Variants in FBN1 observed in about 807,000 individuals in gnomAD.
FBN1 encodes fibrillin 1, also known as fibrillin-1.
Under a neutral mutation model 365.1 loss-of-function variants are expected in FBN1, and 29 were observed. The ratio of observed to expected loss-of-function variants is 0.08; its 90% CI spans 0.06 to 0.11. The LOEUF (loss-of-function observed/expected upper bound fraction) is 0.11, where lower values mean the gene tolerates loss of function less well. Among genes scored for constraint, FBN1 ranks in the 10% least tolerant of loss-of-function variants. The probability of loss-of-function intolerance (pLI) is 1.00; values close to 1 mark genes in which losing one functional copy is unlikely to be tolerated. For synonymous variants in FBN1, 1,210 were observed against 1,270.5 expected (o/e 0.95, Z 1.01); for missense variants, 2,476 against 3,703.2 (o/e 0.67, Z 8.60).
At chr15:48,606,653 G>A (rs1241235500) in intron 4 of FBN1, among the ~76,000 whole-genome samples, 1 of 152,198 alleles carries the variant, frequency 6.6e-6, no homozygotes, top group East Asian at 1.9e-4. Context: ...GAAATGTTCT[G>A]CATCTTAACT....
chr15:48,523,360 C>T (rs982360424), intron 9 of FBN1, among the ~76,000 whole-genome samples: 1 of 152,150 alleles, frequency 6.6e-6, no homozygotes, highest in Non-Finnish European at 1.5e-5. Flanking sequence ...TGTTATTGCC[C>T]ATCTGGCTGA....
chr15:48,485,041 A>G (rs905086352), intron 30 of FBN1, among the ~76,000 whole-genome samples: 6 of 152,208 alleles, frequency 3.9e-5, no homozygotes, highest in South Asian at 2.1e-4. Flanking sequence ...GCTGTTGCCA[A>G]TGGTTCAAGG....
chr15:48,467,952 G>A lies in FBN1; in HGVS notation c.4733C>T (p.Pro1578Leu). The A allele has an allele frequency of 1.9e-6, 3 of 1,613,960 alleles. No homozygotes were observed. In the South Asian group the frequency reaches 3.3e-5, roughly 18 times the overall value. The stretch of plus-strand genomic sequence containing the variant: ...TGTCCACTTACATGTGTTCACAGCA[G>A]GACACATCTCACAAGGAGTACCCCA... ...KAWGTPCEMC[P>L]AVNTSEYKIL... The change falls in exon 38 of 66, where the codon CCT (proline) becomes CTT (leucine). Residue 1578 changes from proline to leucine, a missense_variant. This residue lies in a region of FBN1 where 1,780 missense variants were observed against 2,840.8 expected (regional missense o/e 0.63). Transcript: ENST00000316623.
chr15:48,642,516 T>C (rs1354376203), intron 2 of FBN1: 3 of 151,772 alleles, frequency 2.0e-5, no homozygotes, highest in African/African-American at 7.3e-5. Context: ...CACACACACA[T>C]GTGTATGTAT....
intron 6 of FBN1, among the ~76,000 whole-genome samples, chr15:48,557,976 G>A (rs577264096): frequency 6.6e-6 from 1 of 152,272 alleles, no homozygotes; most frequent in African/African-American, 2.4e-5. Context: ...TTAAAAGTTA[G>A]AGTGGTTCCC....
At chr15:48,468,193 C>G in intron 37 of FBN1, 91 bp from the exon 38 acceptor site, 2 of 1,522,484 alleles carry the variant, frequency 1.3e-6, no homozygotes, top group Admixed American at 1.7e-5. Flanking sequence ...GTTCAAAAAC[C>G]GTAATTTACT....
intron 9 of FBN1, among the ~76,000 whole-genome samples, chr15:48,524,949 T>C (rs945041674): frequency 2.0e-5 from 3 of 152,240 alleles, no homozygotes; most frequent in Non-Finnish European, 4.4e-5. Context: ...TATGTAAATA[T>C]GTCTTAATCC....
At chr15:48,527,953 C>T (rs1036276386) in intron 8 of FBN1, among the ~76,000 whole-genome samples, 2 of 152,188 alleles carry the variant, frequency 1.3e-5, no homozygotes, top group African/African-American at 4.8e-5. Flanking sequence ...CTCAAGGCAG[C>T]CACACTTCTA....
intron 6 of FBN1, among the ~76,000 whole-genome samples, chr15:48,570,699 C>G (rs1221675142): frequency 6.6e-6 from 1 of 152,206 alleles, no homozygotes; most frequent in Non-Finnish European, 1.5e-5. Context: ...TTGCCCCATA[C>G]TCATTTATTT....
intron 6 of FBN1, among the ~76,000 whole-genome samples, chr15:48,559,336 G>C (rs1025694023): frequency 1.1e-4 from 16 of 152,200 alleles, no homozygotes; most frequent in African/African-American, 3.6e-4. Flanking sequence ...AATCCTCAAG[G>C]CTCCAGGCAC....
intron 38 of FBN1, 111 bp downstream of exon 38, chr15:48,467,827 G>C (rs186253515): frequency 1.1e-3 from 1,088 of 1,015,228 alleles, no homozygotes; most frequent in Non-Finnish European, 1.2e-3. Context: ...ACAGGGCTGA[G>C]AGGACTGATC....
At chr15:48,601,906 G>A (rs1204256385) in intron 4 of FBN1, among the ~76,000 whole-genome samples, 1 of 152,136 alleles carries the variant, frequency 6.6e-6, no homozygotes, top group African/African-American at 2.4e-5. Context: ...CCACATTCAC[G>A]GTCCCCTCAG....
At chr15:48,528,686 C>T (rs1422147994) in intron 8 of FBN1, among the ~76,000 whole-genome samples, 3 of 152,144 alleles carry the variant, frequency 2.0e-5, no homozygotes, top group South Asian at 2.1e-4. Context: ...TCATAGTGCA[C>T]ACCTCCCTGA....
intron 2 of FBN1, chr15:48,641,862 G>C (rs967613398): frequency 1.3e-5 from 2 of 152,120 alleles, no homozygotes; most frequent in Non-Finnish European, 1.5e-5. Context: ...ATAAGCAGAG[G>C]GAATAAATTT....
At chr15:48,643,656 G>C (rs74014662) in intron 2 of FBN1, 1 of 152,162 alleles carries the variant, frequency 6.6e-6, no homozygotes, top group East Asian at 1.9e-4. Flanking sequence ...GCATCAGCGA[G>C]AATGGTAAGA....
chr15:48,617,184 G>C (rs923993439), intron 2 of FBN1, among the ~76,000 whole-genome samples: 1 of 151,104 alleles, frequency 6.6e-6, no homozygotes, highest in African/African-American at 2.4e-5. Flanking sequence ...TTGCTTTTTT[G>C]TTTTTTTTGA....
At chr15:48,618,333 A>G (rs1287316519) in intron 2 of FBN1, among the ~76,000 whole-genome samples, 2 of 152,226 alleles carry the variant, frequency 1.3e-5, no homozygotes, top group Non-Finnish European at 2.9e-5. Flanking sequence ...GCTCTTTGAC[A>G]ATTTTCTTAT....
intron 38 of FBN1, among the ~76,000 whole-genome samples, chr15:48,467,427 A>C (rs1269373585): frequency 6.6e-6 from 1 of 152,222 alleles, no homozygotes; most frequent in Non-Finnish European, 1.5e-5. Context: ...ACTCACTTGG[A>C]AAAACGAAAA....
chr15:48,512,785 A>T (rs1432524401), intron 13 of FBN1, among the ~76,000 whole-genome samples: 3 of 150,736 alleles, frequency 2.0e-5, no homozygotes, highest in Non-Finnish European at 4.4e-5. Flanking sequence ...TTCTGTCTTT[A>T]CTGAATTAAT....
Sources: gnomAD v4.1 joint callset for allele counts (sites outside exome capture counted in the v4.1 genomes callset) on GRCh38, gnomAD v4.1.1 for gene constraint, gnomAD v4.1.1 regional missense constraint, MANE v1.5 for transcripts, NCBI Gene and HGNC (gene_info 2026-07-23, HGNC 2026-07-21) for gene names.